USP42: variants seen among roughly 807,000 people sequenced by gnomAD.
USP42 encodes ubiquitin specific peptidase 42, also known as ubiquitin carboxyl-terminal hydrolase 42.
USP42 carries 23 observed loss-of-function variants against 113.0 expected under a neutral mutation model. The observed-to-expected ratio is 0.20, with a 90% CI of 0.15 to 0.29. The LOEUF is 0.29. USP42 is among the 10% of genes least tolerant of loss of function. The pLI, the probability that USP42 is intolerant of heterozygous loss-of-function variation, is 1.00. For missense variants in USP42, 2,174 were observed against 1,779.8 expected, an observed-to-expected ratio of 1.22 and a Z score of -3.99; for synonymous variants, 933 against 699.0, an observed-to-expected ratio of 1.33 and a Z score of -5.28.
chr7:6,106,461 A>G (rs1479521502), intron 1 of USP42, among the ~76,000 whole-genome samples: 9 of 152,228 alleles, frequency 5.9e-5, no homozygotes, highest in Non-Finnish European at 1.2e-4. Flanking sequence ...GAGACATACC[A>G]TATAAGAGAC....
Position 6,149,739 on chromosome 7 carries a change from G to C in USP42, c.1543G>C (p.Glu515Gln), listed in dbSNP as rs1781925832. Residue 515 changes from glutamate (E) to glutamine (Q), a missense_variant, in exon 13 of 18, where the codon GAA becomes CAA. Transcript: ENST00000306177. ...WSVNRSSVIPEHPKKQKITIS... is the reference protein window; with the variant it reads ...WSVNRSSVIPQHPKKQKITIS... ...AGTTAATAGGTCCTCAGTGATCCCA[G>C]AACATCCTAAGAAACAAAAAATTAC... 6.2e-7 allele frequency: 1 copy of C among 1,613,904 alleles called. No homozygotes were observed. The highest frequency in any genetic ancestry group is 8.5e-7 in the Non-Finnish European group (1 of 1,179,880).
At chr7:6,114,114 G>A (rs950527085) in intron 2 of USP42, among the ~76,000 whole-genome samples, 1 of 152,112 alleles carries the variant, frequency 6.6e-6, no homozygotes, top group Non-Finnish European at 1.5e-5. Flanking sequence ...CTCCTCACAA[G>A]TGTGTACAGT....
At position 6,140,072 on chromosome 7, in the gene USP42, A is replaced by T. The variant is rs777797383; in HGVS notation, c.657-56A>T. ...TCCCATGTGTTTGAAATCTGGTCAC[A>T]GCATCTGGAGTTTTTGCAAAGCTCT... On this transcript the variant is annotated intron_variant, in intron 5 of 17. Transcript: ENST00000306177. 2.0e-6 allele frequency: 3 copies of T among 1,482,514 alleles called. No individual in the cohort carries two copies. In the African/African-American group the frequency reaches 4.2e-5, roughly 21 times the overall value. The allele number at this position is 1,482,514 out of a possible 1,614,324, so 91.8% of individuals were successfully genotyped here. A position where few individuals can be genotyped will look rare whatever the true frequency, so the allele number is the denominator to read the frequency against.
chr7:6,096,464 A>G, the USP42 span, among the ~76,000 whole-genome samples: 1 of 151,206 alleles, frequency 6.6e-6, no homozygotes, highest in Non-Finnish European at 1.5e-5. Flanking sequence ...GTTGCATGTG[A>G]TGGGAATGAA....
chr7:6,155,112 T>C lies in USP42; in HGVS notation c.3558T>C (p.Pro1186=). 1.9e-6 allele frequency: 3 copies of C among 1,558,878 alleles called. No homozygotes were observed. In the South Asian group the frequency reaches 3.6e-5, roughly 18 times the overall value. Residue 1186 remains proline, a synonymous_variant, in exon 15 of 18, where the codon CCT becomes CCC. Coordinates refer to ENST00000306177, the MANE Select transcript of USP42 (RefSeq NM_032172.3). ...CCCGGAGGAGCGAACAGAAGGATCC[T>C]CTAGAAGAGCCTAAAGCAAAGAAGC... ...KKARRSEQKD[P]LEEPKAKKHK...
At position 6,157,706 on chromosome 7, in the gene USP42, G is replaced by A. The variant is rs572685265; in HGVS notation, c.3943+651G>A. ...CGAATCCTTAAACCTGTAGCATTCT[G>A]AGTGCACCCTGATGCTCGGTACTGA... On this transcript the variant is annotated intron_variant, in intron 16 of 17. Transcript: ENST00000306177. This position sits in a 1 kb window ranked among gnomAD's most constrained non-coding sequence, Gnocchi z 4.1. Among the ~76,000 whole-genome samples the A allele has an allele frequency of 9.2e-5, 14 of 152,340 alleles. No homozygotes were observed. Among genetic ancestry groups the A allele is most frequent in the African/African-American group, 3.1e-4 (13 of 41,578 alleles).
At chr7:6,121,477 T>G (rs1356898675) in intron 3 of USP42, among the ~76,000 whole-genome samples, 3 of 152,156 alleles carry the variant, frequency 2.0e-5, no homozygotes, top group Non-Finnish European at 4.4e-5. Context: ...TTTTTTTTCT[T>G]GTTTTGGCAT....
chr7:6,114,711 C>T (rs1426931448), intron 2 of USP42, among the ~76,000 whole-genome samples: 9 of 33,294 alleles, frequency 2.7e-4, no homozygotes, highest in African/African-American at 6.3e-4. Flanking sequence ...TTTTTTGAGA[C>T]GGAGTCTCTC....
chr7:6,106,858 G>A (rs75035033), intron 1 of USP42, among the ~76,000 whole-genome samples: 3,783 of 152,192 alleles, frequency 0.025, 158 homozygotes, highest in African/African-American at 0.084. Flanking sequence ...GGTCCACCAT[G>A]CCCCACCTGT....
chr7:6,159,795 G>A lies in USP42; in HGVS notation c.*36+302G>A, dbSNP rs559560480. ...GGGAAAAGCCAACCCGGCTCACAGCGGCAGAGCCCACGGGCCTTTGATAAA... is the reference window on the plus strand; with the variant it reads ...GGGAAAAGCCAACCCGGCTCACAGCAGCAGAGCCCACGGGCCTTTGATAAA... On this transcript the variant is annotated intron_variant, in intron 17 of 17. Coordinates refer to ENST00000306177, the MANE Select transcript of USP42 (RefSeq NM_032172.3). The surrounding 1 kb of genome is among the most constrained non-coding windows in gnomAD (Gnocchi z 4.1). 4.6e-5 allele frequency among the ~76,000 whole-genome samples: 7 copies of A among 152,342 alleles called. No individual in the cohort carries two copies. Among genetic ancestry groups the A allele is most frequent in the South Asian group, 2.1e-4 (1 of 4,830 alleles).
At chr7:6,155,750 T>A (rs1415017586) in intron 15 of USP42, among the ~76,000 whole-genome samples, 3 of 152,000 alleles carry the variant, frequency 2.0e-5, no homozygotes, top group East Asian at 3.9e-4. Context: ...AATTGGGAAA[T>A]TTGCTTCTGT....
chr7:6,146,732 T>G (rs1029493486), intron 11 of USP42, among the ~76,000 whole-genome samples: 17 of 152,132 alleles, frequency 1.1e-4, no homozygotes, highest in African/African-American at 4.1e-4. Flanking sequence ...CTGAGCGGGA[T>G]GATGAGTTTG....
At position 6,153,768 on chromosome 7, in the gene USP42, A is replaced by G; in HGVS notation, c.2214A>G (p.Ala738=). 6 of 1,467,904 alleles carry G rather than the reference A, an allele frequency of 4.1e-6. No individual in the cohort carries two copies. The highest frequency in any genetic ancestry group is 4.5e-6 in the Non-Finnish European group (5 of 1,107,354). 90.9% of individuals were successfully genotyped at this position (1,467,904 alleles called of 1,614,324 possible). A position where few individuals can be genotyped will look rare whatever the true frequency, so the allele number is the denominator to read the frequency against. ...TTGGGGGCTGCAGTGCACCTGGAGC[A>G]GAGAGGGGCCCTCCCGAGGACCGCG... ...GSTDEMSAPG[A]ERGPPEDRDA... Residue 738 remains alanine (A), a synonymous_variant, in exon 15 of 18, where the codon GCA becomes GCG. Transcript: ENST00000306177.
the USP42 span, among the ~76,000 whole-genome samples, chr7:6,086,122 G>A: frequency 4.8e-4 from 71 of 147,636 alleles, 3 homozygotes; most frequent in African/African-American, 1.7e-3. Context: ...TGCAACCTTC[G>A]CCTCACAGGT....
intron 9 of USP42, 146 bp from the exon 10 acceptor site, chr7:6,145,370 A>T: frequency 2.3e-6 from 2 of 876,408 alleles, no homozygotes; most frequent in Non-Finnish European, 3.4e-6. Context: ...TAGGTTTTTT[A>T]AATGCATTAG....
intron 3 of USP42, among the ~76,000 whole-genome samples, chr7:6,123,551 A>T (rs912822939): frequency 1.4e-4 from 21 of 150,666 alleles, no homozygotes; most frequent in African/African-American, 5.1e-4. Flanking sequence ...AGTCCCAGCT[A>T]CTCGGGAGGC....
At chr7:6,121,666 C>T (rs1343700840) in intron 3 of USP42, among the ~76,000 whole-genome samples, 1 of 152,094 alleles carries the variant, frequency 6.6e-6, no homozygotes, top group African/African-American at 2.4e-5. Context: ...TTCTTCTTTT[C>T]TTTGTTTTGT....
intron 8 of USP42, 149 bp from the exon 9 acceptor site, chr7:6,143,936 C>G (rs145275780): frequency 4.2e-6 from 2 of 480,098 alleles, no homozygotes; most frequent in East Asian, 7.3e-5. Context: ...AATATTTTCA[C>G]TGTTGGTTGA....
Position 6,150,451 on chromosome 7 carries a change from A to G in USP42, c.2146A>G (p.Ile716Val). 4 of 1,614,006 alleles carry G rather than the reference A, an allele frequency of 2.5e-6. No homozygotes were observed. Among genetic ancestry groups the G allele is most frequent in the Non-Finnish European group, 3.4e-6 (4 of 1,179,892 alleles). ...TTTGCTGTCTCTCCCAGAAGACAAA[A>G]TCTTAGAGACCTTCAGGCTTAGCAA... is the stretch of plus-strand genomic sequence containing the variant. Reference protein sequence around the residue: ...APLLSLPEDKILETFRLSNKL... With the variant: ...APLLSLPEDKVLETFRLSNKL... The change falls in exon 14 of 18, where the codon ATC (isoleucine) becomes GTC (valine). Residue 716 changes from isoleucine (I) to valine (V), a missense_variant. Coordinates refer to ENST00000306177, the MANE Select transcript of USP42 (RefSeq NM_032172.3).
Sources: gnomAD v4.1 joint callset for allele counts (sites outside exome capture counted in the v4.1 genomes callset) on GRCh38, gnomAD v4.1.1 for gene constraint, Gnocchi (gnomAD v3.1) non-coding constraint, MANE v1.5 for transcripts, NCBI Gene and HGNC (gene_info 2026-07-23, HGNC 2026-07-21) for gene names.